NBEA: variants seen among roughly 807,000 people sequenced by gnomAD.
The protein encoded by NBEA is lysosomal-trafficking regulator 2.
A neutral mutation model predicts 343.4 loss-of-function variants in NBEA; 44 were observed. The ratio of observed to expected loss-of-function variants is 0.13; its 90% CI spans 0.10 to 0.16. The LOEUF is 0.16. Ranked by LOEUF, NBEA falls within the 10% of genes least tolerant of loss-of-function variation. NBEA has a pLI of 1.00. For synonymous variants in NBEA, 1,175 were observed against 1,238.7 expected, an observed-to-expected ratio of 0.95 and a Z score of 1.08; for missense variants, 2,555 against 3,631.3, an observed-to-expected ratio of 0.70 and a Z score of 7.62.
At chr13:35,196,386 T>A in intron 31 of NBEA, 84 bp downstream of exon 31, 1 of 1,298,078 alleles carries the variant, frequency 7.7e-7, no homozygotes, top group Non-Finnish European at 1.0e-6. Flanking sequence ...AAGGAAGATC[T>A]TGAAAACTTT....
chr13:35,534,742 A>G (rs2078444654), intron 41 of NBEA, among the ~76,000 whole-genome samples: 1 of 152,180 alleles, frequency 6.6e-6, no homozygotes, highest in African/African-American at 2.4e-5. Flanking sequence ...GGGCTCCATG[A>G]AAGGAGGGGC....
intron 38 of NBEA, among the ~76,000 whole-genome samples, chr13:35,394,480 T>C (rs1178809431): frequency 6.6e-6 from 1 of 152,086 alleles, no homozygotes; most frequent in Non-Finnish European, 1.5e-5. Context: ...GTTGTAAAGA[T>C]TTTCCAAATC....
intron 48 of NBEA, among the ~76,000 whole-genome samples, chr13:35,627,286 A>G (rs920053280): frequency 6.6e-6 from 1 of 152,160 alleles, no homozygotes; most frequent in South Asian, 2.1e-4. Flanking sequence ...TCTTTAAATC[A>G]CTAGGAAGTT....
At chr13:35,189,444 A>C (rs1028496516) in intron 30 of NBEA, among the ~76,000 whole-genome samples, 30 of 152,192 alleles carry the variant, frequency 2.0e-4, no homozygotes, top group African/African-American at 6.7e-4. Context: ...AACCTTTATC[A>C]GATATATAAT....
intron 41 of NBEA, among the ~76,000 whole-genome samples, chr13:35,496,790 T>A (rs991634776): frequency 3.9e-5 from 6 of 151,996 alleles, no homozygotes; most frequent in African/African-American, 7.2e-5. Flanking sequence ...CAGCTTGGTG[T>A]GCAGGCACCT....
intron 40 of NBEA, among the ~76,000 whole-genome samples, chr13:35,471,011 C>A (rs112305535): frequency 6.6e-6 from 1 of 152,114 alleles, no homozygotes; most frequent in African/African-American, 2.4e-5. Flanking sequence ...AGTCCGCGAG[C>A]CCCGGGGGCT....
Position 34,942,840 on chromosome 13 carries a change from GC to G in NBEA, c.23del (p.Pro8ArgfsTer38). On this transcript the variant is annotated frameshift_variant, in exon 1 of 59. Transcript: ENST00000379939. LOFTEE classifies it high-confidence loss of function. Reference sequence around the variant, plus strand: ...GGGCCAATGGCTAGCGAGAAGCCGGGCCCGGGCCCGGGGCTCGAGCCTCAGC... The same window carrying G: ...GGGCCAATGGCTAGCGAGAAGCCGGGCCGGGCCCGGGGCTCGAGCCTCAGC... MASEKP[G>X]PGPGLEPQPV... 7.3e-7 allele frequency: 1 copy of G among 1,365,146 alleles called. No individual in the cohort carries two copies. Among genetic ancestry groups the G allele is most frequent in the Non-Finnish European group, 9.5e-7 (1 of 1,056,276 alleles). The allele number at this position is 1,365,146 out of a possible 1,614,324, so 84.6% of individuals were successfully genotyped here. A position where few individuals can be genotyped will look rare whatever the true frequency, so the allele number is the denominator to read the frequency against.
intron 1 of NBEA, among the ~76,000 whole-genome samples, chr13:34,966,562 C>T (rs1413680269): frequency 6.7e-6 from 1 of 150,308 alleles, no homozygotes; most frequent in African/African-American, 2.4e-5. Context: ...AATCCAAATC[C>T]TGGTCTGTCT....
At chr13:35,224,464 C>A (rs932716018) in intron 33 of NBEA, among the ~76,000 whole-genome samples, 4 of 152,086 alleles carry the variant, frequency 2.6e-5, no homozygotes, top group African/African-American at 7.2e-5. Flanking sequence ...ATTCTTTTTT[C>A]TTTTTGTTTT....
intron 31 of NBEA, among the ~76,000 whole-genome samples, chr13:35,197,513 A>C (rs975050915): frequency 6.6e-6 from 1 of 151,798 alleles, no homozygotes; most frequent in African/African-American, 2.4e-5. Flanking sequence ...AGTTTGGATG[A>C]ATACCCTTTT....
Position 35,332,772 on chromosome 13 carries a change from A to G in NBEA, c.5904-16336A>G, listed in dbSNP as rs138923611. Among the ~76,000 whole-genome samples, 899 of 152,266 alleles carry G rather than the reference A, an allele frequency of 5.9e-3. 11 individuals are homozygous for G. The highest frequency in any genetic ancestry group is 0.021 in the African/African-American group (857 of 41,566). On this transcript the variant is annotated intron_variant, in intron 36 of 58. Transcript: ENST00000379939. ...AAAAGCATTATTACTTGAAAGAATT[A>G]ATAGATTAAAAGTATATTATGGAGG...
intron 45 of NBEA, among the ~76,000 whole-genome samples, chr13:35,578,986 T>C (rs2080882044): frequency 2.0e-5 from 3 of 152,128 alleles, no homozygotes; most frequent in African/African-American, 7.2e-5. Flanking sequence ...TAAGTACGTA[T>C]GTGTGGAATT....
At chr13:35,200,886 G>A (rs1040038115) in intron 31 of NBEA, among the ~76,000 whole-genome samples, 3 of 151,744 alleles carry the variant, frequency 2.0e-5, no homozygotes, top group Non-Finnish European at 4.4e-5. Context: ...AAATTTCAGG[G>A]TAAATATTTT....
intron 38 of NBEA, among the ~76,000 whole-genome samples, chr13:35,360,030 A>G (rs2040719194): frequency 6.6e-6 from 1 of 151,838 alleles, no homozygotes; most frequent in Admixed American, 6.6e-5. Context: ...TTTCTATTTT[A>G]CGGGTAAAAA....
At chr13:35,576,062 A>G (rs1422269924) in intron 45 of NBEA, among the ~76,000 whole-genome samples, 1 of 151,114 alleles carries the variant, frequency 6.6e-6, no homozygotes, top group Non-Finnish European at 1.5e-5. Flanking sequence ...GTTTTGATGT[A>G]CGCTGATTCA....
chr13:35,146,062 T>G (rs2068402619), intron 18 of NBEA, among the ~76,000 whole-genome samples: 2 of 152,174 alleles, frequency 1.3e-5, no homozygotes, highest in Non-Finnish European at 2.9e-5. Context: ...AGTTTCTTGG[T>G]CTCATACTTG....
intron 54 of NBEA, 80 bp from the exon 55 acceptor site, chr13:35,655,499 A>T (rs2274551): frequency 0.094 from 129,200 of 1,375,486 alleles, 7,813 homozygotes; most frequent in African/African-American, 0.26. Context: ...AAAATTTTTT[A>T]AAAAATCTGA....
In NBEA at chr13:35,550,470, A is replaced by G; in HGVS notation, c.6586-7A>G. ...ATTGACACTTCCCTTTAAACTGTTT[A>G]TTTTAGGTTCTTGCATACACTGAGG... is the stretch of plus-strand genomic sequence containing the variant. On this transcript the variant is annotated splice_polypyrimidine_tract_variant and splice_region_variant and intron_variant, in intron 41 of 58. Transcript: ENST00000379939. The G allele has an allele frequency of 6.4e-7, 1 of 1,565,518 alleles. No individual in the cohort carries two copies. The highest frequency in any genetic ancestry group is 8.8e-7 in the Non-Finnish European group (1 of 1,138,284).
At chr13:35,548,541 A>G (rs1026593011) in intron 41 of NBEA, among the ~76,000 whole-genome samples, 5 of 152,164 alleles carry the variant, frequency 3.3e-5, no homozygotes, top group Non-Finnish European at 7.4e-5. Context: ...CACAGCTTTC[A>G]TGGGAAGATC....
Sources: gnomAD v4.1 joint callset for allele counts (sites outside exome capture counted in the v4.1 genomes callset) on GRCh38, gnomAD v4.1.1 for gene constraint, MANE v1.5 for transcripts, NCBI Gene and HGNC (gene_info 2026-07-23, HGNC 2026-07-21) for gene names.